The following PTCH1 variants were observed in gnomAD, a reference collection of about 807,000 sequenced individuals.
PTCH1 encodes the protein patched 1.
PTCH1 carries 14 observed loss-of-function variants against 144.6 expected under a neutral mutation model. That is an observed-to-expected ratio of 0.10 (90% confidence interval 0.06 to 0.15). The LOEUF (loss-of-function observed/expected upper bound fraction) is 0.15, where lower values mean the gene tolerates loss of function less well. Among genes scored for constraint, PTCH1 ranks in the 10% least tolerant of loss-of-function variants. PTCH1 has a pLI of 1.00. For synonymous variants in PTCH1, 833 were observed against 793.6 expected (o/e 1.05, Z -0.83); for missense variants, 1,623 against 1,948.3 (o/e 0.83, Z 3.14).
Position 95,508,899 on chromosome 9 carries a change from G to A in PTCH1, c.-538C>T. ...CAGAGCCGCCGCCGCCGCGGGGTCC[G>A]AGGGTGCCCGGCGGGTCTCAGCGCT... is the stretch of plus-strand genomic sequence containing the variant. On this transcript the variant is annotated 5_prime_UTR_variant, in exon 1 of 24. Transcript: ENST00000331920. The A allele has an allele frequency of 4.5e-6, 4 of 893,486 alleles. No individual in the cohort carries two copies. Among genetic ancestry groups the A allele is most frequent in the Non-Finnish European group, 5.4e-6 (4 of 746,822 alleles). 55.3% of individuals were successfully genotyped at this position (893,486 alleles called of 1,614,324 possible). A position where few individuals can be genotyped will look rare whatever the true frequency, so the allele number is the denominator to read the frequency against.
intron 23 of PTCH1, 79 bp from the exon 24 acceptor site, chr9:95,446,470 A>G (rs1837899939): frequency 2.0e-6 from 1 of 505,048 alleles, no homozygotes; most frequent in Admixed American, 2.1e-5. Flanking sequence ...AAAAGCAGGC[A>G]GCAGTAACCT....
chr9:95,456,496 G>A, intron 18 of PTCH1, 83 bp from the exon 19 acceptor site: 3 of 1,533,380 alleles, frequency 2.0e-6, no homozygotes, highest in Non-Finnish European at 1.8e-6. Flanking sequence ...GAGGGCTAAG[G>A]TGTCCTCGGT....
At chr9:95,510,172 A>G (rs1325292545), upstream of PTCH1, among the ~76,000 whole-genome samples, 1 of 152,176 alleles carries the variant, frequency 6.6e-6, no homozygotes, top group African/African-American at 2.4e-5. Flanking sequence ...GAGAAACGGA[A>G]TTGTTTCCTT....
chr9:95,487,004 T>C (rs1165187852), intron 2 of PTCH1, among the ~76,000 whole-genome samples: 1 of 152,206 alleles, frequency 6.6e-6, no homozygotes, highest in African/African-American at 2.4e-5. Context: ...GATCATAGCT[T>C]TCCCACGAGG....
At chr9:95,490,586 G>A (rs540950198) in intron 2 of PTCH1, among the ~76,000 whole-genome samples, 2 of 150,102 alleles carry the variant, frequency 1.3e-5, no homozygotes, top group Admixed American at 1.3e-4. Context: ...GAGCTACTTG[G>A]TAGAGATATG....
At chr9:95,502,955 T>C (rs1453299759) in intron 2 of PTCH1, among the ~76,000 whole-genome samples, 4 of 152,188 alleles carry the variant, frequency 2.6e-5, no homozygotes, top group African/African-American at 7.2e-5. Context: ...GATAGGAGGA[T>C]ATGCAGAATA....
chr9:95,464,321 T>C (rs1023355231), intron 15 of PTCH1, among the ~76,000 whole-genome samples: 1 of 152,226 alleles, frequency 6.6e-6, no homozygotes, highest in Non-Finnish European at 1.5e-5. Context: ...CCACTGCCCT[T>C]TAGCCAGTGC....
chr9:95,506,674 C>T, intron 1 of PTCH1, 75 bp from the exon 2 acceptor site: 1 of 1,380,526 alleles, frequency 7.2e-7, no homozygotes, highest in Non-Finnish European at 9.5e-7. Flanking sequence ...TTGCGCGCAC[C>T]CGCCCGGTGA....
At position 95,457,534 on chromosome 9, in the gene PTCH1, G is replaced by A. The variant is rs962058771; in HGVS notation, c.3168+479C>T. On this transcript the variant is annotated intron_variant, in intron 18 of 23. Transcript: ENST00000331920. ...AGAAGGGATGCCAAAAAACAGGTTCGTAATATTAGTTTATCATTTTCCCCC... is the reference window on the plus strand; with the variant it reads ...AGAAGGGATGCCAAAAAACAGGTTCATAATATTAGTTTATCATTTTCCCCC... 5.3e-5 allele frequency among the ~76,000 whole-genome samples: 8 copies of A among 152,258 alleles called. No individual in the cohort carries two copies. In the East Asian group the frequency reaches 5.8e-4, roughly 11 times the overall value.
intron 1 of PTCH1, among the ~76,000 whole-genome samples, chr9:95,515,304 C>G (rs1009828655): frequency 2.0e-5 from 3 of 152,132 alleles, no homozygotes; most frequent in African/African-American, 7.2e-5. Context: ...TTAGAGCCAC[C>G]CATTGTGGCT....
intron 18 of PTCH1, among the ~76,000 whole-genome samples, chr9:95,457,573 C>T (rs1245385012): frequency 6.6e-6 from 1 of 152,156 alleles, no homozygotes; most frequent in East Asian, 1.9e-4. Context: ...ACTTAAAACA[C>T]ACAAAATCAT....
At chr9:95,478,681 C>G (rs955453547) in intron 8 of PTCH1, among the ~76,000 whole-genome samples, 1 of 152,316 alleles carries the variant, frequency 6.6e-6, no homozygotes, top group Non-Finnish European at 1.5e-5. Context: ...CAGCTGTGAA[C>G]AGATTCTATG....
At chr9:95,511,638 AC>A (rs1479794506), upstream of PTCH1, among the ~76,000 whole-genome samples, 1 of 152,194 alleles carries the variant, frequency 6.6e-6, no homozygotes, top group Non-Finnish European at 1.5e-5. Context: ...GGAAAATGAC[AC>A]TGAGTTGATA....
intron 12 of PTCH1, chr9:95,474,174 AAAG>A (rs1396919819): frequency 7.3e-6 from 3 of 408,384 alleles, no homozygotes; most frequent in South Asian, 3.6e-5. Flanking sequence ...ATGAGAGAGA[AAAG>A]AAGAAAAGAA....
chr9:95,475,893 A>G, intron 12 of PTCH1, 141 bp downstream of exon 12: 2 of 1,329,926 alleles, frequency 1.5e-6, no homozygotes, highest in South Asian at 1.2e-5. Flanking sequence ...GCATCCACCC[A>G]GTTAAACAGA....
chr9:95,483,775 A>G (rs1345516770), intron 3 of PTCH1: 4 of 152,244 alleles, frequency 2.6e-5, no homozygotes, highest in East Asian at 1.9e-4. Flanking sequence ...CCACACATCC[A>G]TGGACATATT....
intron 2 of PTCH1, among the ~76,000 whole-genome samples, chr9:95,498,176 T>C (rs945103360): frequency 2.0e-5 from 3 of 152,248 alleles, no homozygotes; most frequent in African/African-American, 2.4e-5. Context: ...GGTTGCTAAA[T>C]TGGGTAAGTC....
intron 16 of PTCH1, 84 bp downstream of exon 16, chr9:95,461,772 G>T (rs2136684632): frequency 6.4e-7 from 1 of 1,567,624 alleles, no homozygotes. Context: ...GCACAGGGTG[G>T]GGTCACACGC....
At chr9:95,494,171 A>G in intron 2 of PTCH1, 1 of 980,306 alleles carries the variant, frequency 1.0e-6, no homozygotes, top group Non-Finnish European at 1.2e-6. Context: ...GCCGGAAGCA[A>G]GCTTCCCCGC....
Sources: gnomAD v4.1 joint callset for allele counts (sites outside exome capture counted in the v4.1 genomes callset) on GRCh38, gnomAD v4.1.1 for gene constraint, MANE v1.5 for transcripts, NCBI Gene and HGNC (gene_info 2026-07-23, HGNC 2026-07-21) for gene names.